FAAH2: variants seen among roughly 807,000 people sequenced by gnomAD.
The protein encoded by FAAH2 is fatty acid amide hydrolase 2.
In FAAH2, 60 loss-of-function variants were observed where a neutral mutation model predicts 36.9. The observed-to-expected ratio is 1.63, with a 90% confidence interval of 1.32 to 2.02. FAAH2 has a LOEUF of 2.02. FAAH2 is among the 30% of genes most tolerant of loss of function. The pLI is 0.00. For missense variants in FAAH2, 689 were observed against 397.5 expected (o/e 1.73, Z -6.23); for synonymous variants, 214 against 143.8 (o/e 1.49, Z -3.49).
rs2053414644 is a variant in FAAH2 at position 57,331,762 on chromosome X, T to A, written c.577T>A (p.Ser193Thr). 1 of 1,209,837 alleles carries A rather than the reference T, an allele frequency of 8.3e-7. No homozygotes were observed. The highest frequency in any genetic ancestry group is 1.1e-6 in the Non-Finnish European group (1 of 895,265). Residue 193 changes from serine (S) to threonine (T), a missense_variant, in exon 4 of 11, where the codon TCA becomes ACA. By Grantham distance (58) the Ser-to-Thr change is moderately conservative. Transcript: ENST00000374900. Reference protein sequence around the residue: ...YESSNKIYGRSNNPYDLQHIV... With the variant: ...YESSNKIYGRTNNPYDLQHIV... ...ATCCAGTAACAAGATCTATGGCCGA[T>A]CAAACAACCCATATGATTTACAGCA...
intron 10 of FAAH2, among the ~76,000 whole-genome samples, chrX:57,487,545 T>C (rs772017122): frequency 1.8e-5 from 2 of 111,831 alleles, no homozygotes; most frequent in Non-Finnish European, 3.8e-5. Context: ...AATTACTCAT[T>C]AGGGAAATGC....
chrX:57,448,676 C>T lies in FAAH2; in HGVS notation c.1381C>T (p.His461Tyr), dbSNP rs757299430. 5 of 1,211,269 alleles carry T rather than the reference C, an allele frequency of 4.1e-6. No homozygotes were observed. The Admixed American group carries it at 1.1e-4, about 26-fold the overall frequency. ...YPSHPTVAPK[H>Y]HVPLTRPFNF... is the part of the protein sequence containing the mutation. ...CTCACATCCCACAGTGGCACCTAAG[C>T]ATCATGTCCCTCTAACACGGCCTTT... is the stretch of plus-strand genomic sequence containing the variant. The change falls in exon 10 of 11, where the codon CAT becomes TAT. Residue 461 changes from histidine to tyrosine, a missense_variant. Coordinates refer to ENST00000374900, the MANE Select transcript of FAAH2 (RefSeq NM_174912.4).
the FAAH2 span, among the ~76,000 whole-genome samples, chrX:57,196,546 C>A: frequency 1.1e-3 from 127 of 111,252 alleles, no homozygotes; most frequent in African/African-American, 3.9e-3. Context: ...ATCTGGATAC[C>A]CTTTATTTCT....
At chrX:57,166,926 G>A in the FAAH2 span, among the ~76,000 whole-genome samples, 2 of 112,066 alleles carry the variant, frequency 1.8e-5, no homozygotes, top group Non-Finnish European at 3.8e-5. Flanking sequence ...TTTGTGGAAT[G>A]TGTAGACAGT....
chrX:57,169,545 T>C, the FAAH2 span, among the ~76,000 whole-genome samples: 1 of 26,132 alleles, frequency 3.8e-5, no homozygotes, highest in Non-Finnish European at 5.6e-5. Flanking sequence ...TATATATATA[T>C]ATATATATAT....
intron 10 of FAAH2, among the ~76,000 whole-genome samples, chrX:57,479,059 A>T (rs1339857894): frequency 1.9e-4 from 21 of 111,380 alleles, no homozygotes; most frequent in Non-Finnish European, 3.8e-4. Flanking sequence ...ATGGCAATGA[A>T]TGTATAAATG....
intron 8 of FAAH2, among the ~76,000 whole-genome samples, chrX:57,442,433 T>A (rs1420428757): frequency 9.0e-6 from 1 of 111,210 alleles, no homozygotes; most frequent in African/African-American, 3.3e-5. Flanking sequence ...GATTGCAACC[T>A]CTGCTTTTTT....
chrX:57,476,244 G>A (rs1190311444), intron 10 of FAAH2, among the ~76,000 whole-genome samples: 1 of 111,213 alleles, frequency 9.0e-6, no homozygotes, highest in African/African-American at 3.3e-5. Context: ...TTGAATAGGA[G>A]TGGTGAGAGA....
chrX:57,126,969 A>G, the FAAH2 span: 1 of 111,750 alleles, frequency 8.9e-6, no homozygotes, highest in South Asian at 3.8e-4. Context: ...GGAAGAAGAG[A>G]GAATATGAAT....
the FAAH2 span, among the ~76,000 whole-genome samples, chrX:57,127,427 T>A: frequency 2.7e-5 from 3 of 111,632 alleles, no homozygotes; most frequent in African/African-American, 9.7e-5. Flanking sequence ...AGCAAAGTGA[T>A]GAGCCTCTTA....
At chrX:57,165,824 A>G in the FAAH2 span, among the ~76,000 whole-genome samples, 1 of 111,169 alleles carries the variant, frequency 9.0e-6, no homozygotes, top group African/African-American at 3.3e-5. Context: ...CCCTGGCAAG[A>G]ACTCCACCTT....
At chrX:57,272,731 T>C in the FAAH2 span, among the ~76,000 whole-genome samples, 1 of 112,377 alleles carries the variant, frequency 8.9e-6, no homozygotes, top group Non-Finnish European at 1.9e-5. Flanking sequence ...CCGCTAGATC[T>C]GCCTTACAGA....
chrX:57,396,529 G>GT (rs1799396316), intron 7 of FAAH2, among the ~76,000 whole-genome samples: 1 of 110,137 alleles, frequency 9.1e-6, no homozygotes, highest in African/African-American at 3.3e-5. Context: ...TTGGTATGTT[G>GT]TGTCCCCATT....
At chrX:57,337,938 C>G (rs2053594799) in intron 4 of FAAH2, among the ~76,000 whole-genome samples, 1 of 111,697 alleles carries the variant, frequency 9.0e-6, no homozygotes, top group Admixed American at 9.5e-5. Context: ...AAAGCATATT[C>G]AAATAGGAAG....
the FAAH2 span, among the ~76,000 whole-genome samples, chrX:57,158,554 A>G: frequency 8.1e-5 from 9 of 111,799 alleles, no homozygotes; most frequent in Admixed American, 8.5e-4. Context: ...CTGGTGTGAG[A>G]TGGTATCTCA....
At chrX:57,290,396 A>G in intron 1 of FAAH2, 1 of 437,932 alleles carries the variant, frequency 2.3e-6, no homozygotes, top group Non-Finnish European at 2.9e-6. Context: ...CTGTCTGTGC[A>G]TGCATTTAAC....
chrX:57,166,533 C>T, the FAAH2 span, among the ~76,000 whole-genome samples: 1 of 112,206 alleles, frequency 8.9e-6, no homozygotes, highest in Non-Finnish European at 1.9e-5. Flanking sequence ...CCATTGAATG[C>T]CCTGAAATGA....
At chrX:57,211,519 A>T in the FAAH2 span, among the ~76,000 whole-genome samples, 1 of 111,880 alleles carries the variant, frequency 8.9e-6, no homozygotes, top group Non-Finnish European at 1.9e-5. Flanking sequence ...TGCCTGGGAC[A>T]CCTGAGTACT....
chrX:57,376,356 G>C (rs780410028), intron 5 of FAAH2, among the ~76,000 whole-genome samples: 1 of 110,943 alleles, frequency 9.0e-6, no homozygotes, highest in African/African-American at 3.3e-5. Context: ...ACCTACCTTA[G>C]GTATTTCTCC....
Sources: gnomAD v4.1 joint callset for allele counts (sites outside exome capture counted in the v4.1 genomes callset) on GRCh38, gnomAD v4.1.1 for gene constraint, MANE v1.5 for transcripts, NCBI Gene and HGNC (gene_info 2026-07-23, HGNC 2026-07-21) for gene names.